The following SPATA21 variants were observed in gnomAD, a reference collection of about 807,000 sequenced individuals.
SPATA21 encodes the protein spermatogenesis associated 21.
A neutral mutation model predicts 54.8 loss-of-function variants in SPATA21; 47 were observed. The ratio of observed to expected loss-of-function variants is 0.86; its 90% CI spans 0.68 to 1.09. The LOEUF (loss-of-function observed/expected upper bound fraction) is 1.09, where lower values mean the gene tolerates loss of function less well. Ranked by LOEUF, SPATA21 falls within the 50% of genes least tolerant of loss-of-function variation. SPATA21 has a pLI of 0.00. For synonymous variants in SPATA21, 245 were observed against 235.3 expected, an observed-to-expected ratio of 1.04 and a Z score of -0.38; for missense variants, 599 against 596.4, an observed-to-expected ratio of 1.00 and a Z score of -0.05.
intron 3 of SPATA21, among the ~76,000 whole-genome samples, chr1:16,427,304 A>G (rs1394718682): frequency 6.6e-6 from 1 of 152,048 alleles, no homozygotes; most frequent in East Asian, 1.9e-4. Context: ...CTTTTCTTGT[A>G]GAGGAGGCTA....
chr1:16,436,038 G>T (rs1570238086), intron 1 of SPATA21, among the ~76,000 whole-genome samples: 2 of 151,642 alleles, frequency 1.3e-5, no homozygotes, highest in South Asian at 4.2e-4. Flanking sequence ...GGATCATGAG[G>T]TCAGGAGTTT....
At chr1:16,401,615 C>CATTTATGAT (rs2085451021) in intron 10 of SPATA21, among the ~76,000 whole-genome samples, 1 of 152,144 alleles carries the variant, frequency 6.6e-6, no homozygotes, top group Non-Finnish European at 1.5e-5. Flanking sequence ...ATGATTTTAT[C>CATTTATGAT]ACTGATACAT....
At chr1:16,419,987 C>T (rs2086122886) in intron 5 of SPATA21, among the ~76,000 whole-genome samples, 2 of 151,864 alleles carry the variant, frequency 1.3e-5, no homozygotes, top group Middle Eastern at 3.2e-3. Context: ...ATTTGGGAAT[C>T]ATCAGAGGGA....
intron 1 of SPATA21, among the ~76,000 whole-genome samples, chr1:16,435,611 C>A (rs2086567002): frequency 6.6e-6 from 1 of 151,356 alleles, no homozygotes; most frequent in Non-Finnish European, 1.5e-5. Flanking sequence ...GCCACCATGC[C>A]CGGCCCCCCC....
Position 16,409,309 on chromosome 1 carries a change from T to C in SPATA21, c.588-106A>G, listed in dbSNP as rs2085753730. ...TGCAGGAGGAGGTCGTGGGGGAGGC[T>C]TTGGGGAGCCCGGAGAGATCAAGAA... On this transcript the variant is annotated intron_variant, in intron 6 of 12. Coordinates refer to ENST00000335496, the MANE Select transcript of SPATA21 (RefSeq NM_198546.1). The surrounding 1 kb of genome is among the most constrained non-coding windows in gnomAD (Gnocchi z 4.1). 1.6e-6 allele frequency: 2 copies of C among 1,235,358 alleles called. No homozygotes were observed. Among genetic ancestry groups the C allele is most frequent in the Admixed American group, 3.9e-5 (2 of 51,682 alleles). The allele number at this position is 1,235,358 out of a possible 1,614,324, so 76.5% of individuals were successfully genotyped here. A position where few individuals can be genotyped will look rare whatever the true frequency, so the allele number is the denominator to read the frequency against.
At chr1:16,426,389 G>C (rs1255499975) in intron 3 of SPATA21, among the ~76,000 whole-genome samples, 1 of 151,436 alleles carries the variant, frequency 6.6e-6, no homozygotes, top group East Asian at 2.0e-4. Context: ...CTCCCAAGTA[G>C]CTGGGACTAC....
chr1:16,434,421 T>C (rs2086536135), intron 1 of SPATA21, among the ~76,000 whole-genome samples: 1 of 151,906 alleles, frequency 6.6e-6, no homozygotes, highest in African/African-American at 2.4e-5. Flanking sequence ...AGTGGCTGGC[T>C]GGGACTACAG....
chr1:16,410,707 G>A (rs1239239167), intron 5 of SPATA21: 7 of 246,022 alleles, frequency 2.8e-5, no homozygotes, highest in Non-Finnish European at 4.3e-5. Context: ...CACTGCGCCC[G>A]GCCTAATCTT....
chr1:16,430,394 C>G (rs1315424562), intron 3 of SPATA21, among the ~76,000 whole-genome samples: 1 of 152,122 alleles, frequency 6.6e-6, no homozygotes, highest in Non-Finnish European at 1.5e-5. Flanking sequence ...GATCGCACCA[C>G]TGCACTCCAG....
At chr1:16,405,743 G>C (rs1460035253) in intron 7 of SPATA21, among the ~76,000 whole-genome samples, 2 of 152,142 alleles carry the variant, frequency 1.3e-5, no homozygotes, top group Non-Finnish European at 2.9e-5. Context: ...TATCGGTGCT[G>C]CTCTGGGACG....
downstream of SPATA21, chr1:16,397,369 T>C (rs551748836): frequency 6.6e-6 from 1 of 152,402 alleles, no homozygotes; most frequent in South Asian, 2.1e-4. The surrounding 1 kb of genome is among the most constrained non-coding windows in gnomAD (Gnocchi z 5.4). Flanking sequence ...AACTGTATTG[T>C]GTCGGGGGAG....
intron 11 of SPATA21, among the ~76,000 whole-genome samples, chr1:16,400,168 C>T (rs924337796): frequency 6.6e-6 from 1 of 151,858 alleles, no homozygotes; most frequent in East Asian, 1.9e-4. Flanking sequence ...CTGGGATTAC[C>T]GGTGCTCGCC....
intron 1 of SPATA21, among the ~76,000 whole-genome samples, chr1:16,436,335 C>T (rs1570238853): frequency 1.4e-5 from 2 of 145,802 alleles, no homozygotes; most frequent in South Asian, 2.2e-4. Context: ...TGCAGTGAGC[C>T]GAGATCGCAC....
At position 16,403,780 on chromosome 1, in the gene SPATA21, G is replaced by A. The variant is rs2085533426; in HGVS notation, c.948C>T (p.Ser316=). The A allele has an allele frequency of 1.2e-6, 2 of 1,613,566 alleles. No homozygotes were observed. The highest frequency in any genetic ancestry group is 1.7e-6 in the Non-Finnish European group (2 of 1,179,858). The change falls in exon 10 of 13, where the codon TCC becomes TCT. Residue 316 remains serine (S), a synonymous_variant. Transcript: ENST00000335496. The part of the protein sequence containing the change: ...NPHTLLFEIL[S]LLVEMLALPE... ...GTAAGGCCAGCATCTCTACCAGCAGGGACAGGATCTCAAAGAGTAGAGTGT... is the reference window on the plus strand; with the variant it reads ...GTAAGGCCAGCATCTCTACCAGCAGAGACAGGATCTCAAAGAGTAGAGTGT...
Position 16,398,757 on chromosome 1 carries a change from C to T in SPATA21, c.*8G>A. On this transcript the variant is annotated 3_prime_UTR_variant, in exon 13 of 13. Coordinates refer to ENST00000335496, the MANE Select transcript of SPATA21 (RefSeq NM_198546.1). ...TGAGCAGCTGCCTAGAGTCAGGCCTCCAGAGGGTCAGTGGGTTCGAGCTGG... is the reference window on the plus strand; with the variant it reads ...TGAGCAGCTGCCTAGAGTCAGGCCTTCAGAGGGTCAGTGGGTTCGAGCTGG... The T allele has an allele frequency of 6.2e-7, 1 of 1,613,832 alleles. No homozygotes were observed. Among genetic ancestry groups the T allele is most frequent in the African/African-American group, 1.3e-5 (1 of 75,014 alleles).
Position 16,405,077 on chromosome 1 carries a change from T to A in SPATA21, c.701A>T (p.Asn234Ile). 1 of 1,609,352 alleles carries A rather than the reference T, an allele frequency of 6.2e-7. No individual in the cohort carries two copies. The highest frequency in any genetic ancestry group is 8.5e-7 in the Non-Finnish European group (1 of 1,178,198). The change falls in exon 8 of 13, where the codon AAT (asparagine) becomes ATT (isoleucine). Residue 234 changes from asparagine to isoleucine, a missense_variant. Physicochemically the swap from Asn to Ile is moderately radical, Grantham distance 149. Transcript: ENST00000335496. Reference protein sequence around the residue: ...EAFRSYFEIFNGPGEVDAQSL... With the variant: ...EAFRSYFEIFIGPGEVDAQSL... Reference sequence around the variant, plus strand: ...CTGTGCATCCACCTCACCAGGACCATTGAAGATCTCAAAGTAGCTGCGGAA... The same window carrying A: ...CTGTGCATCCACCTCACCAGGACCAATGAAGATCTCAAAGTAGCTGCGGAA...
intron 11 of SPATA21, 35 bp from the exon 12 acceptor site, chr1:16,399,556 A>G (rs1185886151): frequency 6.3e-7 from 1 of 1,599,320 alleles, no homozygotes; most frequent in Admixed American, 1.7e-5. Flanking sequence ...GGAATGCTTC[A>G]CAGCATGCCC....
At chr1:16,432,114 C>CTTTTTTTTTTTTTTTTTTTT (rs35240103) in intron 2 of SPATA21, among the ~76,000 whole-genome samples, 3 of 133,106 alleles carry the variant, frequency 2.3e-5, no homozygotes, top group Admixed American at 7.8e-5. Context: ...TCTTCTTCTT[C>CTTTTTTTTTTTTTTTTTTTT]TTTTTTTTTT....
downstream of SPATA21, chr1:16,397,440 A>G (rs2085330812): frequency 1.3e-5 from 2 of 152,206 alleles, no homozygotes; most frequent in Non-Finnish European, 2.9e-5. The surrounding 1 kb of genome is among the most constrained non-coding windows in gnomAD (Gnocchi z 5.4). Flanking sequence ...TTTTGGGGGT[A>G]GTTGTCTGTA....
Sources: allele counts gnomAD v4.1 joint callset (sites outside exome capture counted in the v4.1 genomes callset), GRCh38; gene constraint gnomAD v4.1.1; non-coding constraint Gnocchi (gnomAD v3.1); transcripts MANE v1.5; gene names NCBI Gene and HGNC (gene_info 2026-07-23, HGNC 2026-07-21).